DOK6: variants seen among roughly 807,000 people sequenced by gnomAD.
DOK6 encodes downstream of tyrosine kinase 6.
A neutral mutation model predicts 44.0 loss-of-function variants in DOK6; 22 were observed. That is an observed-to-expected ratio of 0.50 (90% CI 0.36 to 0.71). The LOEUF (loss-of-function observed/expected upper bound fraction) is 0.71. Among genes scored for constraint, DOK6 ranks in the 30% least tolerant of loss-of-function variants. The pLI is 0.00. For missense variants in DOK6, 340 were observed against 416.4 expected, an observed-to-expected ratio of 0.82 and a Z score of 1.60; for synonymous variants, 166 against 145.5, an observed-to-expected ratio of 1.14 and a Z score of -1.01.
In DOK6 at chr18:69,846,513, G is replaced by C. The variant is rs182611357; in HGVS notation, c.*5130G>C. On this transcript the variant is annotated 3_prime_UTR_variant, in exon 8 of 8. Transcript: ENST00000382713. ...GCTGAACTCATCACCAGCTGTATCA[G>C]TAGAGAGGTGTTATGGGGCAATTCA... 6.6e-6 allele frequency: 1 copy of C among 152,170 alleles called. No individual in the cohort carries two copies. The highest frequency in any genetic ancestry group is 2.4e-5 in the African/African-American group (1 of 41,432). The allele number at this position is 152,170 out of a possible 1,614,324, so 9.4% of individuals were successfully genotyped here.
chr18:69,712,601 T>C (rs901629350), intron 5 of DOK6, among the ~76,000 whole-genome samples: 4 of 152,078 alleles, frequency 2.6e-5, no homozygotes, highest in African/African-American at 9.7e-5. Flanking sequence ...TCCCAGCACT[T>C]TGGGAGGCTG....
At chr18:69,463,512 A>G (rs1158289975) in intron 1 of DOK6, among the ~76,000 whole-genome samples, 1 of 152,180 alleles carries the variant, frequency 6.6e-6, no homozygotes, top group Non-Finnish European at 1.5e-5. Context: ...TCTTTTATGC[A>G]AAACACTAGT....
chr18:69,648,902 A>G (rs1985150624), intron 3 of DOK6, among the ~76,000 whole-genome samples: 1 of 152,256 alleles, frequency 6.6e-6, no homozygotes, highest in Admixed American at 6.5e-5. Context: ...TTAAACATCT[A>G]TAAATTAAGA....
At chr18:69,568,692 G>T (rs560994818) in intron 2 of DOK6, among the ~76,000 whole-genome samples, 1 of 152,272 alleles carries the variant, frequency 6.6e-6, no homozygotes, top group Non-Finnish European at 1.5e-5. Flanking sequence ...AGCTTCATCT[G>T]TGTTTATTTA....
chr18:69,530,065 A>G (rs1361470349), intron 1 of DOK6, among the ~76,000 whole-genome samples: 1 of 152,142 alleles, frequency 6.6e-6, no homozygotes, highest in Non-Finnish European at 1.5e-5. Context: ...TGATCCTATA[A>G]AAAGCACTCA....
chr18:69,675,365 C>T (rs566528138), intron 3 of DOK6, among the ~76,000 whole-genome samples: 1 of 152,336 alleles, frequency 6.6e-6, no homozygotes, highest in South Asian at 2.1e-4. Flanking sequence ...GGTGCTTTGA[C>T]ATATTTAACG....
chr18:69,461,741 A>G (rs2122475368), intron 1 of DOK6, among the ~76,000 whole-genome samples: 1 of 152,270 alleles, frequency 6.6e-6, no homozygotes, highest in East Asian at 1.9e-4. Flanking sequence ...GTTGTTTGCT[A>G]AGCAAATTTT....
At chr18:69,484,249 C>T (rs950862168) in intron 1 of DOK6, among the ~76,000 whole-genome samples, 4 of 150,736 alleles carry the variant, frequency 2.7e-5, no homozygotes, top group African/African-American at 4.9e-5. Context: ...CTATGTAATA[C>T]GTATATGTCT....
intron 3 of DOK6, among the ~76,000 whole-genome samples, chr18:69,644,871 G>A (rs1266020304): frequency 6.6e-6 from 1 of 152,188 alleles, no homozygotes; most frequent in African/African-American, 2.4e-5. Context: ...GCAAATCTCA[G>A]ATCCTTCCCA....
intron 1 of DOK6, among the ~76,000 whole-genome samples, chr18:69,506,503 CAT>C (rs1453630699): frequency 6.6e-6 from 1 of 152,138 alleles, no homozygotes; most frequent in African/African-American, 2.4e-5. Context: ...TCAGACACAA[CAT>C]AACCTTTCCA....
rs1035600626 is a variant in DOK6 at position 69,735,556 on chromosome 18, GACA to G, written c.600-3405_600-3403del. Among the ~76,000 whole-genome samples, 8 of 152,344 alleles carry G rather than the reference GACA, an allele frequency of 5.3e-5. No individual in the cohort carries two copies. In the South Asian group the frequency reaches 1.4e-3, roughly 28 times the overall value. ...CTTAATTCTCCCAGCAATGACGTGT[GACA>G]ACACATGCAGTGCCATAAACCAGAG... On this transcript the variant is annotated intron_variant, in intron 5 of 7. Coordinates refer to ENST00000382713, the MANE Select transcript of DOK6 (RefSeq NM_152721.6).
intron 5 of DOK6, among the ~76,000 whole-genome samples, chr18:69,699,131 C>T (rs763347328): frequency 9.2e-5 from 14 of 152,048 alleles, no homozygotes; most frequent in Non-Finnish European, 1.6e-4. Context: ...TTAATAAACA[C>T]GGATTTAGAC....
chr18:69,722,530 T>C (rs564815642), intron 5 of DOK6, among the ~76,000 whole-genome samples: 3 of 152,224 alleles, frequency 2.0e-5, no homozygotes, highest in East Asian at 3.9e-4. Flanking sequence ...AAGCACCAGA[T>C]AGACAAGACA....
At chr18:69,587,168 A>C (rs1393390326) in intron 2 of DOK6, among the ~76,000 whole-genome samples, 1 of 152,164 alleles carries the variant, frequency 6.6e-6, no homozygotes, top group Admixed American at 6.5e-5. Flanking sequence ...AAATTACCAA[A>C]AACTTGGTGG....
At chr18:69,831,490 A>G (rs1981900450) in intron 7 of DOK6, among the ~76,000 whole-genome samples, 1 of 152,228 alleles carries the variant, frequency 6.6e-6, no homozygotes. Context: ...AGTTGATATG[A>G]GGATTTTTAA....
At chr18:69,549,100 A>AAAC (rs1284188087) in intron 1 of DOK6, among the ~76,000 whole-genome samples, 1 of 150,854 alleles carries the variant, frequency 6.6e-6, no homozygotes, top group Non-Finnish European at 1.5e-5. Context: ...CGTCTCAAAA[A>AAAC]AAAAAAAACA....
chr18:69,729,159 A>G (rs947089037), intron 5 of DOK6, among the ~76,000 whole-genome samples: 1 of 152,256 alleles, frequency 6.6e-6, no homozygotes, highest in Non-Finnish European at 1.5e-5. Context: ...ATACATGCAC[A>G]TATATACATG....
chr18:69,693,833 C>T (rs1206545925), intron 4 of DOK6, among the ~76,000 whole-genome samples: 4 of 151,266 alleles, frequency 2.6e-5, no homozygotes, highest in Non-Finnish European at 5.9e-5. Context: ...CAGAGGCGGG[C>T]GGATCATGAG....
intron 2 of DOK6, among the ~76,000 whole-genome samples, chr18:69,580,863 C>G (rs912290200): frequency 6.6e-6 from 1 of 151,752 alleles, no homozygotes; most frequent in Admixed American, 6.6e-5. Context: ...CTCTAATAAC[C>G]ACAATTCTAC....
Sources: gnomAD v4.1 joint callset for allele counts (sites outside exome capture counted in the v4.1 genomes callset) on GRCh38, gnomAD v4.1.1 for gene constraint, MANE v1.5 for transcripts, NCBI Gene and HGNC (gene_info 2026-07-23, HGNC 2026-07-21) for gene names.